The following MARS1 variants were observed in gnomAD, a reference collection of about 807,000 sequenced individuals.
MARS1 encodes methionyl-tRNA synthetase 1, also known as methionine--tRNA ligase, cytoplasmic.
A neutral mutation model predicts 119.5 loss-of-function variants in MARS1; 80 were observed. That is an observed-to-expected ratio of 0.67 (90% CI 0.56 to 0.81). MARS1 has a LOEUF of 0.81. MARS1 is among the 30% of genes least tolerant of loss of function. The pLI is 0.00. For missense variants in MARS1, 945 were observed against 1,116.5 expected, an observed-to-expected ratio of 0.85 and a Z score of 2.19; for synonymous variants, 418 against 433.4, an observed-to-expected ratio of 0.96 and a Z score of 0.44.
chr12:57,505,534 G>A (rs926662246), intron 11 of MARS1, among the ~76,000 whole-genome samples: 76 of 152,088 alleles, frequency 5.0e-4, no homozygotes, highest in African/African-American at 1.7e-3. Context: ...TAGGCTGGGC[G>A]CAGTGGCTTA....
intron 11 of MARS1, among the ~76,000 whole-genome samples, chr12:57,507,006 C>T (rs1286666306): frequency 2.0e-5 from 3 of 150,378 alleles, no homozygotes; most frequent in African/African-American, 7.4e-5. Flanking sequence ...CGGCCTTCCG[C>T]AGTGTTTGTG....
chr12:57,490,126 C>T (rs1413057024), intron 5 of MARS1, 81 bp from the exon 6 acceptor site: 2 of 1,520,124 alleles, frequency 1.3e-6, no homozygotes, highest in East Asian at 4.5e-5. Flanking sequence ...CTGGAGAAAC[C>T]TCACAAAGAA....
chr12:57,498,516 C>T lies in MARS1; in HGVS notation c.984C>T (p.Thr328=). The T allele has an allele frequency of 1.2e-6, 2 of 1,614,180 alleles. No homozygotes were observed. The highest frequency in any genetic ancestry group is 1.1e-5 in the South Asian group (1 of 91,090). Residue 328 remains threonine, a synonymous_variant, in exon 9 of 21, where the codon ACC becomes ACT. Transcript: ENST00000262027. ...TETKALEEGL[T]PQEICDKYHI... ...CCAAGGCTCTGGAGGAGGGACTAAC[C>T]CCCCAGGAGATCTGCGACAAGTACC...
intron 10 of MARS1, among the ~76,000 whole-genome samples, chr12:57,503,238 T>C (rs895662067): frequency 4.6e-5 from 7 of 151,704 alleles, no homozygotes; most frequent in Middle Eastern, 3.4e-3. Flanking sequence ...TGTTTCTTTT[T>C]TTTTTTTTTT....
In MARS1 at chr12:57,512,882, C is replaced by T. The variant is rs1365685857; in HGVS notation, c.1885C>T (p.Gln629Ter). 1.2e-6 allele frequency: 2 copies of T among 1,614,218 alleles called. No individual in the cohort carries two copies. Among genetic ancestry groups the T allele is most frequent in the Non-Finnish European group, 1.7e-6 (2 of 1,180,048 alleles). Residue 629 changes from glutamine to a stop codon, truncating the protein, a stop_gained, in exon 15 of 21, where the codon CAG becomes TAG. Coordinates refer to ENST00000262027, the MANE Select transcript of MARS1 (RefSeq NM_004990.4). LOFTEE classifies it high-confidence loss of function. ...TCTGCTGTACATTCGGCCTGAGGGC[C>T]AGGACAGTGCTTTCTCCTGGACGGA... is the stretch of plus-strand genomic sequence containing the variant. ...FYLLYIRPEG[Q>*]DSAFSWTDLL...
At chr12:57,508,406 C>T (rs1877336399) in intron 11 of MARS1, among the ~76,000 whole-genome samples, 1 of 152,258 alleles carries the variant, frequency 6.6e-6, no homozygotes, top group African/African-American at 2.4e-5. Context: ...CGTCTGCAAT[C>T]CCGGCACCTC....
intron 10 of MARS1, among the ~76,000 whole-genome samples, chr12:57,503,617 T>A (rs924609967): frequency 4.0e-5 from 6 of 151,634 alleles, no homozygotes; most frequent in Non-Finnish European, 8.8e-5. Flanking sequence ...TGATCTTGGC[T>A]CACTGCAACC....
At chr12:57,505,282 C>T (rs892345737) in intron 11 of MARS1, among the ~76,000 whole-genome samples, 3 of 151,960 alleles carry the variant, frequency 2.0e-5, no homozygotes, top group Non-Finnish European at 4.4e-5. Context: ...CTGCATCAGC[C>T]TCCCAAGTAG....
Position 57,498,579 on chromosome 12 carries a change from T to C in MARS1, c.1047T>C (p.Ile349=), listed in dbSNP as rs1876758648. 2.5e-6 allele frequency: 4 copies of C among 1,613,996 alleles called. No individual in the cohort carries two copies. The highest frequency in any genetic ancestry group is 4.5e-5 in the East Asian group (2 of 44,892). Reference sequence around the variant, plus strand: ...CTGACATCTACCGCTGGTTTAACATTTCGTTTGATATTTTTGGTCGCACCA... The same window carrying C: ...CTGACATCTACCGCTGGTTTAACATCTCGTTTGATATTTTTGGTCGCACCA... The part of the protein sequence containing the change: ...IHADIYRWFN[I]SFDIFGRTTT... The change falls in exon 9 of 21, where the codon ATT becomes ATC. Residue 349 remains isoleucine (I), a synonymous_variant. Coordinates refer to ENST00000262027, the MANE Select transcript of MARS1 (RefSeq NM_004990.4).
At chr12:57,513,193 G>T (rs1343249532) in intron 15 of MARS1, among the ~76,000 whole-genome samples, 1 of 152,132 alleles carries the variant, frequency 6.6e-6, no homozygotes, top group African/African-American at 2.4e-5. Context: ...TTATAAAGTG[G>T]GTTTTTGTAA....
intron 11 of MARS1, among the ~76,000 whole-genome samples, chr12:57,510,203 G>A (rs555302348): frequency 2.4e-4 from 36 of 152,176 alleles, no homozygotes; most frequent in Non-Finnish European, 3.7e-4. Context: ...ACTAGGCATG[G>A]TGACTCACGC....
intron 11 of MARS1, among the ~76,000 whole-genome samples, chr12:57,510,108 C>T (rs1253797987): frequency 6.6e-6 from 1 of 152,130 alleles, no homozygotes; most frequent in Non-Finnish European, 1.5e-5. Flanking sequence ...AACTCTCGGG[C>T]TCAAGTTATC....
rs370631429 is a variant in MARS1 at position 57,516,490 on chromosome 12, C to T, written c.2612C>T (p.Ala871Val). 59 of 1,613,744 alleles carry T rather than the reference C, an allele frequency of 3.7e-5. No individual in the cohort carries two copies. In the East Asian group the frequency reaches 6.9e-4, roughly 19 times the overall value. Reference sequence around the variant, plus strand: ...AAGGCAGACAAGAACGAGGTTGCTGCGGAGGTGGCGAAACTCTTGGATCTA... The same window carrying T: ...AAGGCAGACAAGAACGAGGTTGCTGTGGAGGTGGCGAAACTCTTGGATCTA... ...AQKADKNEVAAEVAKLLDLKK... is the reference protein window; with the variant it reads ...AQKADKNEVAVEVAKLLDLKK... The change falls in exon 21 of 21, where the codon GCG becomes GTG. Residue 871 changes from alanine to valine, a missense_variant. Physicochemically the swap from Ala to Val is moderately conservative, Grantham distance 64 (BLOSUM62 0). Coordinates refer to ENST00000262027, the MANE Select transcript of MARS1 (RefSeq NM_004990.4).
rs761648454 is a variant in MARS1 at position 57,490,202 on chromosome 12, C to G, written c.491-5C>G. On this transcript the variant is annotated splice_region_variant and splice_polypyrimidine_tract_variant and intron_variant, in intron 5 of 20. Coordinates refer to ENST00000262027, the MANE Select transcript of MARS1 (RefSeq NM_004990.4). The stretch of plus-strand genomic sequence containing the variant: ...TGCTGATTTTCTTTTCTTCCATACC[C>G]ACAGAGGAGCTGAGTGCCCTGCACA... 6.1e-5 allele frequency: 98 copies of G among 1,610,152 alleles called. No individual in the cohort carries two copies. Among genetic ancestry groups the G allele is most frequent in the Non-Finnish European group, 7.7e-5 (91 of 1,178,566 alleles).
intron 15 of MARS1, among the ~76,000 whole-genome samples, chr12:57,514,389 G>A (rs1206862752): frequency 6.6e-6 from 1 of 152,062 alleles, no homozygotes; most frequent in Admixed American, 6.6e-5. Context: ...TTGAACTTCT[G>A]ACCTCAGGTG....
intron 11 of MARS1, among the ~76,000 whole-genome samples, chr12:57,508,626 G>A (rs563194730): frequency 3.9e-4 from 59 of 152,320 alleles, no homozygotes; most frequent in African/African-American, 1.3e-3. Context: ...GTCCAGCTTC[G>A]GCTCGGCATC....
In MARS1 at chr12:57,509,157, A is replaced by C. The variant is rs184455457; in HGVS notation, c.1369-2541A>C. ...ATTGTTACTTATTTCATCAGTAGGA[A>C]CGTATTCAAGGTGGCTTGTCTGCTT... On this transcript the variant is annotated intron_variant, in intron 11 of 20. Coordinates refer to ENST00000262027, the MANE Select transcript of MARS1 (RefSeq NM_004990.4). Among the ~76,000 whole-genome samples, 311 of 152,258 alleles carry C rather than the reference A, an allele frequency of 2.0e-3. 1 individual carries two copies. The highest frequency in any genetic ancestry group is 3.5e-3 in the Admixed American group (53 of 15,288).
intron 19 of MARS1, 57 bp downstream of exon 19, chr12:57,516,048 A>C (rs770467683): frequency 5.8e-6 from 9 of 1,559,406 alleles, no homozygotes; most frequent in Non-Finnish European, 8.0e-6. Context: ...TCACTTCCCT[A>C]ATTTCCCTAA....
In MARS1 at chr12:57,488,158, G is replaced by A. The variant is rs1247809884; in HGVS notation, c.68G>A (p.Arg23Gln). 6.2e-7 allele frequency: 1 copy of A among 1,614,162 alleles called. No homozygotes were observed. Among genetic ancestry groups the A allele is most frequent in the Non-Finnish European group, 8.5e-7 (1 of 1,180,032 alleles). ...GTGCTGGCCGCCGCCGGGAGAGCCC[G>A]GGGCAGAGCAGAGGTGCTCATCAGC... ...LPVLAAAGRA[R>Q]GRAEVLISTV... is the part of the protein sequence containing the mutation. Residue 23 changes from arginine to glutamine, a missense_variant, in exon 1 of 21, where the codon CGG (arginine) becomes CAG (glutamine). Coordinates refer to ENST00000262027, the MANE Select transcript of MARS1 (RefSeq NM_004990.4).
Sources: gnomAD v4.1 joint callset for allele counts (sites outside exome capture counted in the v4.1 genomes callset) on GRCh38, gnomAD v4.1.1 for gene constraint, MANE v1.5 for transcripts, NCBI Gene and HGNC (gene_info 2026-07-23, HGNC 2026-07-21) for gene names.